The following FGD4 variants were observed in gnomAD, a reference collection of about 807,000 sequenced individuals.
FGD4 encodes the protein FYVE, RhoGEF and PH domain containing 4.
In FGD4, 42 loss-of-function variants were observed where a neutral mutation model predicts 102.0. That is an observed-to-expected ratio of 0.41 (90% CI 0.32 to 0.53). The LOEUF (loss-of-function observed/expected upper bound fraction) is 0.53, where lower values mean the gene tolerates loss of function less well. FGD4 is among the 20% of genes least tolerant of loss of function. The probability of loss-of-function intolerance (pLI) is 0.21; values close to 1 mark genes in which losing one functional copy is unlikely to be tolerated. For missense variants in FGD4, 902 were observed against 1,078.2 expected, an observed-to-expected ratio of 0.84 and a Z score of 2.29; for synonymous variants, 380 against 375.7, an observed-to-expected ratio of 1.01 and a Z score of -0.13.
intron 10 of FGD4, 82 bp downstream of exon 10, chr12:32,611,365 C>T: frequency 1.3e-6 from 2 of 1,549,394 alleles, no homozygotes; most frequent in Non-Finnish European, 8.9e-7. Flanking sequence ...CCTGTAATCC[C>T]AGCACTTTGG....
intron 1 of FGD4, among the ~76,000 whole-genome samples, chr12:32,556,351 C>T (rs1224192844): frequency 1.3e-5 from 2 of 152,180 alleles, no homozygotes; most frequent in African/African-American, 4.8e-5. Context: ...TCACCACTAT[C>T]ATCCACAGAA....
At chr12:32,632,869 G>T (rs1950575607) in intron 14 of FGD4, among the ~76,000 whole-genome samples, 1 of 151,582 alleles carries the variant, frequency 6.6e-6, no homozygotes, top group African/African-American at 2.4e-5. Context: ...CACCCAGTCA[G>T]ATTAGCATTT....
At chr12:32,482,421 A>G (rs927217787) in intron 1 of FGD4, among the ~76,000 whole-genome samples, 2 of 152,228 alleles carry the variant, frequency 1.3e-5, no homozygotes, top group African/African-American at 4.8e-5. Flanking sequence ...GTGGTTTAGC[A>G]ACCAGACCTT....
At chr12:32,408,138 T>G (rs554562731) in intron 1 of FGD4, among the ~76,000 whole-genome samples, 20 of 151,662 alleles carry the variant, frequency 1.3e-4, no homozygotes, top group African/African-American at 3.9e-4. Context: ...TAGCTGGGAT[T>G]ACAGGCCACA....
chr12:32,532,472 T>C (rs1034260389), intron 1 of FGD4, among the ~76,000 whole-genome samples: 8 of 152,194 alleles, frequency 5.3e-5, no homozygotes, highest in African/African-American at 1.7e-4. Context: ...GATATTCTTC[T>C]GTAAGATGGT....
intron 2 of FGD4, among the ~76,000 whole-genome samples, chr12:32,572,458 C>T (rs963419848): frequency 4.6e-5 from 7 of 151,966 alleles, no homozygotes; most frequent in Non-Finnish European, 7.4e-5. Flanking sequence ...CTATTGATCT[C>T]TAGAATTAAT....
intron 1 of FGD4, among the ~76,000 whole-genome samples, chr12:32,441,409 T>A (rs1942431079): frequency 6.6e-6 from 1 of 152,062 alleles, no homozygotes; most frequent in Non-Finnish European, 1.5e-5. Flanking sequence ...GCGGGTTCCC[T>A]TGTGACCCAG....
At chr12:32,416,838 A>G (rs1440346516) in intron 1 of FGD4, among the ~76,000 whole-genome samples, 2 of 152,036 alleles carry the variant, frequency 1.3e-5, no homozygotes, top group Non-Finnish European at 2.9e-5. Flanking sequence ...TGCCATTACC[A>G]GTGAGTTTTG....
At position 32,599,564 on chromosome 12, in the gene FGD4, TG is replaced by T. The variant is rs770828738; in HGVS notation, c.1101+980del. Among the ~76,000 whole-genome samples, 105 of 77,768 alleles carry T rather than the reference TG, an allele frequency of 1.4e-3. 9 individuals carry two copies. The highest frequency in any genetic ancestry group is 2.1e-3 in the Non-Finnish European group (88 of 41,382). The allele number at this position is 77,768 out of a possible 152,430, so 51.0% of individuals were successfully genotyped here. Reference sequence around the variant, plus strand: ...TTTTTTTTTTTTTTTTTTTTTTTTTTGGAGATGGAGTCTGGCCCTGTCGCCC... The same window carrying T: ...TTTTTTTTTTTTTTTTTTTTTTTTTTGAGATGGAGTCTGGCCCTGTCGCCC... On this transcript the variant is annotated intron_variant, in intron 5 of 16. Coordinates refer to ENST00000534526, the MANE Select transcript of FGD4 (RefSeq NM_001370298.3).
At chr12:32,631,071 CTGT>C (rs1368024463) in intron 14 of FGD4, among the ~76,000 whole-genome samples, 2 of 152,198 alleles carry the variant, frequency 1.3e-5, no homozygotes, top group Admixed American at 6.5e-5. Flanking sequence ...ATAAATTCCC[CTGT>C]TGTTTATGCA....
At chr12:32,624,374 T>G (rs1950023187) in intron 11 of FGD4, 48 bp from the exon 12 acceptor site, 2 of 1,416,804 alleles carry the variant, frequency 1.4e-6, no homozygotes, top group Non-Finnish European at 2.0e-6. Flanking sequence ...TCACCCAGTG[T>G]GAATCATTAA....
rs1465114859 is a variant in FGD4 at position 32,525,288 on chromosome 12, T to C, written c.167-38849T>C. ...AAGTGCCCCAGCCTCATAACAAGGC[T>C]GTGAGAGTTATGAACCAGAACTGTG... is the stretch of plus-strand genomic sequence containing the variant. On this transcript the variant is annotated intron_variant, in intron 1 of 16. Transcript: ENST00000534526. Among the ~76,000 whole-genome samples, 3 of 152,246 alleles carry C rather than the reference T, an allele frequency of 2.0e-5. No homozygotes were observed. The East Asian group carries it at 5.8e-4, about 29-fold the overall frequency.
rs549814524 is a variant in FGD4, at chr12:32,565,687, G to A, written c.319+1398G>A. Among the ~76,000 whole-genome samples, 3 of 152,238 alleles carry A rather than the reference G, an allele frequency of 2.0e-5. No homozygotes were observed. In the South Asian group the frequency reaches 6.2e-4, roughly 32 times the overall value. On this transcript the variant is annotated intron_variant, in intron 2 of 16. Coordinates refer to ENST00000534526, the MANE Select transcript of FGD4 (RefSeq NM_001370298.3). ...GATATAAGAGTGTCCTTTCTGAGTT[G>A]CATGTGCCAAAATAATCCCCTTTTT...
Position 32,610,840 on chromosome 12 carries a change from T to C in FGD4, c.1602+6T>C, listed in dbSNP as rs1344451580. Reference sequence around the variant, plus strand: ...ATAGTGCAATAAGGAAAATGGTAAGTGGTTTTCGGAGGAGACAGGAACCTC... The same window carrying C: ...ATAGTGCAATAAGGAAAATGGTAAGCGGTTTTCGGAGGAGACAGGAACCTC... On this transcript the variant is annotated splice_donor_region_variant and intron_variant, in intron 9 of 16. Coordinates refer to ENST00000534526, the MANE Select transcript of FGD4 (RefSeq NM_001370298.3). 1.5e-5 allele frequency: 25 copies of C among 1,613,476 alleles called. No homozygotes were observed. In the South Asian group the frequency reaches 2.5e-4, roughly 16 times the overall value.
chr12:32,455,835 A>G (rs1372864485), intron 1 of FGD4, among the ~76,000 whole-genome samples: 1 of 152,158 alleles, frequency 6.6e-6, no homozygotes, highest in Non-Finnish European at 1.5e-5. Context: ...TATGCTATAA[A>G]TGAATTAAAT....
intron 1 of FGD4, among the ~76,000 whole-genome samples, chr12:32,475,146 T>C (rs1266178202): frequency 6.6e-6 from 1 of 152,170 alleles, no homozygotes; most frequent in Non-Finnish European, 1.5e-5. Flanking sequence ...GGCCCTCATC[T>C]CCATCCCCTA....
chr12:32,623,567 C>A (rs150002530), intron 11 of FGD4, among the ~76,000 whole-genome samples: 5 of 152,190 alleles, frequency 3.3e-5, no homozygotes, highest in African/African-American at 9.6e-5. Flanking sequence ...AGGCAGGTGA[C>A]CTTCAGGCTG....
At chr12:32,444,525 C>T (rs906315987) in intron 1 of FGD4, among the ~76,000 whole-genome samples, 1 of 152,110 alleles carries the variant, frequency 6.6e-6, no homozygotes, top group African/African-American at 2.4e-5. Context: ...CTGCCTCAGC[C>T]TCCCGAGTAA....
In FGD4 at chr12:32,641,372, C is replaced by CT. The variant is rs573860138; in HGVS notation, c.*843dup. ...GATATATTTGTGAATTCCAACAGTA[C>CT]TTTTAAAGTACCATTTTTTGTTTCT... On this transcript the variant is annotated 3_prime_UTR_variant, in exon 17 of 17. Coordinates refer to ENST00000534526, the MANE Select transcript of FGD4 (RefSeq NM_001370298.3). 5.4e-4 allele frequency: 82 copies of CT among 152,176 alleles called. No individual in the cohort carries two copies. The highest frequency in any genetic ancestry group is 1.9e-3 in the African/African-American group (80 of 41,534). The allele number at this position is 152,176 out of a possible 1,614,324, so 9.4% of individuals were successfully genotyped here. A position where few individuals can be genotyped will look rare whatever the true frequency, so the allele number is the denominator to read the frequency against.
Sources: gnomAD v4.1 joint callset for allele counts (sites outside exome capture counted in the v4.1 genomes callset) on GRCh38, gnomAD v4.1.1 for gene constraint, MANE v1.5 for transcripts, NCBI Gene and HGNC (gene_info 2026-07-23, HGNC 2026-07-21) for gene names.